The following FHIT variants were observed in gnomAD, a reference collection of about 807,000 sequenced individuals.
FHIT encodes the protein fragile histidine triad diadenosine triphosphatase.
In FHIT, 19 loss-of-function variants were observed where a neutral mutation model predicts 17.9. That is an observed-to-expected ratio of 1.06 (90% CI 0.74 to 1.56). FHIT has a LOEUF of 1.56. Ranked by LOEUF, FHIT falls within the 40% of genes most tolerant of loss-of-function variation. FHIT has a pLI of 0.00. For missense variants in FHIT, 248 were observed against 189.2 expected (o/e 1.31, Z -1.82); for synonymous variants, 81 against 69.7 (o/e 1.16, Z -0.81).
At chr3:60,637,323 A>AT (rs1421582795) in intron 4 of FHIT, among the ~76,000 whole-genome samples, 2 of 152,180 alleles carry the variant, frequency 1.3e-5, no homozygotes, top group African/African-American at 4.8e-5. Flanking sequence ...AAAATAATTT[A>AT]TATTTGCCAG....
intron 4 of FHIT, among the ~76,000 whole-genome samples, chr3:60,744,949 CCTT>C (rs1433905403): frequency 6.6e-6 from 1 of 152,100 alleles, no homozygotes; most frequent in East Asian, 1.9e-4. Flanking sequence ...TAGTCCCTGT[CCTT>C]AGAAGTCCAG....
intron 2 of FHIT, among the ~76,000 whole-genome samples, chr3:61,126,927 C>A (rs1309295768): frequency 1.3e-5 from 2 of 152,006 alleles, no homozygotes; most frequent in Non-Finnish European, 2.9e-5. Context: ...AAGGGCAGAG[C>A]AACCCTAAAA....
At chr3:60,621,421 T>A (rs895797113) in intron 4 of FHIT, among the ~76,000 whole-genome samples, 1 of 152,096 alleles carries the variant, frequency 6.6e-6, no homozygotes, top group African/African-American at 2.4e-5. Context: ...AGTGCTGGGA[T>A]TACAGCCACT....
At chr3:60,852,426 A>C (rs1553748700) in intron 3 of FHIT, among the ~76,000 whole-genome samples, 1 of 152,136 alleles carries the variant, frequency 6.6e-6, no homozygotes, top group African/African-American at 2.4e-5. Flanking sequence ...GTTTCTCTGG[A>C]GAACCCTGAC....
intron 4 of FHIT, among the ~76,000 whole-genome samples, chr3:60,790,596 T>C (rs1375332637): frequency 1.3e-5 from 2 of 152,128 alleles, no homozygotes; most frequent in Non-Finnish European, 2.9e-5. Context: ...TTCCATAGGA[T>C]CAAACCACAT....
intron 3 of FHIT, among the ~76,000 whole-genome samples, chr3:60,940,384 G>A (rs1575725707): frequency 6.7e-6 from 1 of 149,382 alleles, no homozygotes; most frequent in East Asian, 1.9e-4. Flanking sequence ...TATTTTCAAA[G>A]CTGCAATGTA....
chr3:60,729,006 A>C (rs900842781), intron 4 of FHIT, among the ~76,000 whole-genome samples: 13 of 152,234 alleles, frequency 8.5e-5, no homozygotes, highest in Non-Finnish European at 2.9e-5. Flanking sequence ...GAGCAAGAGA[A>C]AGTCATTTCG....
intron 3 of FHIT, among the ~76,000 whole-genome samples, chr3:60,964,655 T>C (rs1709625315): frequency 6.6e-6 from 1 of 152,228 alleles, no homozygotes; most frequent in African/African-American, 2.4e-5. Flanking sequence ...CAGCATTTGC[T>C]TGTCTGTAAA....
At chr3:59,882,648 T>C (rs1703458216) in intron 8 of FHIT, among the ~76,000 whole-genome samples, 1 of 152,198 alleles carries the variant, frequency 6.6e-6, no homozygotes, top group African/African-American at 2.4e-5. Context: ...GAGTTTCAAA[T>C]AACTTCATAT....
intron 5 of FHIT, among the ~76,000 whole-genome samples, chr3:60,113,423 C>T (rs776035908): frequency 6.6e-6 from 1 of 151,898 alleles, no homozygotes; most frequent in South Asian, 2.1e-4. Flanking sequence ...AAAGAGAGAG[C>T]TGTTCAACGT....
chr3:60,639,499 C>G (rs1577013276), intron 4 of FHIT, among the ~76,000 whole-genome samples: 1 of 152,038 alleles, frequency 6.6e-6, no homozygotes, highest in African/African-American at 2.4e-5. Context: ...AAAGGGCCAT[C>G]GTAAATGCCC....
intron 5 of FHIT, among the ~76,000 whole-genome samples, chr3:60,453,196 ATT>A (rs10718750): frequency 2.3e-3 from 337 of 149,032 alleles, no homozygotes; most frequent in Admixed American, 2.7e-3. Context: ...GCCTGAGCAG[ATT>A]TTTTTTTTTT....
rs2106809764 is a variant in FHIT, at chr3:61,218,159, T to C, written c.-212-17494A>G. On this transcript the variant is annotated intron_variant, in intron 1 of 9. Coordinates refer to ENST00000492590, the MANE Select transcript of FHIT (RefSeq NM_002012.4). ...GCAGTTGTGAATATGGATGTGACTG[T>C]CCAGGGAGTCAGTATAAGTAGAAAG... Among the ~76,000 whole-genome samples, 3 of 152,254 alleles carry C rather than the reference T, an allele frequency of 2.0e-5. No individual in the cohort carries two copies. The South Asian group carries it at 6.2e-4, about 32-fold the overall frequency.
At position 60,206,439 on chromosome 3, in the gene FHIT, T is replaced by C. The variant is rs146378220; in HGVS notation, c.104-192287A>G. ...GCCACCTGGCAAATCTGGGTAGATGTTGACTTTCCCAGCAGGCCACGATTT... is the reference window on the plus strand; with the variant it reads ...GCCACCTGGCAAATCTGGGTAGATGCTGACTTTCCCAGCAGGCCACGATTT... On this transcript the variant is annotated intron_variant, in intron 5 of 9. Transcript: ENST00000492590. Among the ~76,000 whole-genome samples, 4 of 152,270 alleles carry C rather than the reference T, an allele frequency of 2.6e-5. No homozygotes were observed. In the East Asian group the frequency reaches 7.7e-4, roughly 29 times the overall value.
intron 5 of FHIT, among the ~76,000 whole-genome samples, chr3:60,285,807 G>C (rs540007097): frequency 6.6e-6 from 1 of 152,230 alleles, no homozygotes; most frequent in African/African-American, 2.4e-5. Flanking sequence ...ACATAGTTTT[G>C]AGGTACATGT....
chr3:60,059,453 C>A (rs964962657), intron 5 of FHIT, among the ~76,000 whole-genome samples: 3 of 152,122 alleles, frequency 2.0e-5, no homozygotes, highest in African/African-American at 7.2e-5. Flanking sequence ...CCCAGAAGTA[C>A]AACAACATAT....
chr3:60,013,436 T>G (rs955706031), intron 6 of FHIT, among the ~76,000 whole-genome samples: 1 of 152,226 alleles, frequency 6.6e-6, no homozygotes, highest in Non-Finnish European at 1.5e-5. Flanking sequence ...TGACTCACCA[T>G]GGACATCCTT....
intron 2 of FHIT, among the ~76,000 whole-genome samples, chr3:61,151,590 T>A (rs1351242673): frequency 6.6e-6 from 1 of 150,900 alleles, no homozygotes; most frequent in Non-Finnish European, 1.5e-5. Flanking sequence ...TTTTTTTTTT[T>A]TGAGATGGAG....
intron 4 of FHIT, among the ~76,000 whole-genome samples, chr3:60,679,973 T>C (rs979768207): frequency 1.3e-5 from 2 of 152,230 alleles, no homozygotes; most frequent in Non-Finnish European, 2.9e-5. Context: ...GAAAATCGTC[T>C]CTTAGTTGAA....
Sources: gnomAD v4.1 joint callset for allele counts (sites outside exome capture counted in the v4.1 genomes callset) on GRCh38, gnomAD v4.1.1 for gene constraint, MANE v1.5 for transcripts, NCBI Gene and HGNC (gene_info 2026-07-23, HGNC 2026-07-21) for gene names.